Variants in DDX3X observed in about 807,000 individuals in gnomAD.
DDX3X encodes the protein ATP-dependent RNA helicase DDX3X.
DDX3X carries 4 observed loss-of-function variants against 52.7 expected under a neutral mutation model. The observed-to-expected ratio is 0.08, with a 90% CI of 0.04 to 0.17. The LOEUF is 0.17. DDX3X is among the 10% of genes least tolerant of loss of function. The pLI, the probability that DDX3X is intolerant of heterozygous loss-of-function variation, is 1.00. For missense variants in DDX3X, 222 were observed against 548.6 expected (o/e 0.40, Z 5.95); for synonymous variants, 192 against 178.1 (o/e 1.08, Z -0.62).
chrX:41,335,924 C>T (rs1350694073), intron 1 of DDX3X: 1 of 112,160 alleles, frequency 8.9e-6, no homozygotes, highest in Non-Finnish European at 1.9e-5. Flanking sequence ...CAAAATTGTG[C>T]TATAACAAGT....
At chrX:41,345,614 C>CAA in intron 12 of DDX3X, 66 bp downstream of exon 12, 2 of 950,700 alleles carry the variant, frequency 2.1e-6, no homozygotes, top group Non-Finnish European at 2.9e-6. Context: ...GGCTGGAGTG[C>CAA]AGGGGTTATT....
intron 5 of DDX3X, among the ~76,000 whole-genome samples, chrX:41,363,875 C>T (rs1248930106): frequency 1.8e-5 from 2 of 111,675 alleles, no homozygotes; most frequent in Non-Finnish European, 3.8e-5. Flanking sequence ...CCACCCTGAC[C>T]GCTCTTCATT....
At chrX:41,364,171 T>A (rs1234317359) in intron 5 of DDX3X, 2 of 289,653 alleles carry the variant, frequency 6.9e-6, no homozygotes, top group African/African-American at 5.5e-5. Flanking sequence ...AATGTAGTAA[T>A]GGGAGTAGGT....
chrX:41,345,791 C>T (rs756553285), intron 12 of DDX3X: 4 of 324,296 alleles, frequency 1.2e-5, no homozygotes, highest in South Asian at 1.6e-4. Context: ...TAGTACACTA[C>T]AGCCCAGAAC....
At chrX:41,345,077 C>A in intron 10 of DDX3X, 103 bp from the exon 11 acceptor site, 1 of 789,522 alleles carries the variant, frequency 1.3e-6, no homozygotes, top group Non-Finnish European at 1.9e-6. Context: ...ATTGTAATAA[C>A]CTATACAATT....
downstream of DDX3X, among the ~76,000 whole-genome samples, chrX:41,352,379 C>CT (rs1246632567): frequency 1.8e-5 from 2 of 111,827 alleles, no homozygotes; most frequent in Non-Finnish European, 3.8e-5. Context: ...TACCTCCTAT[C>CT]TTTCGCTGGA....
intron 1 of DDX3X, chrX:41,334,568 T>C (rs2063729881): frequency 8.3e-6 from 9 of 1,086,758 alleles, no homozygotes; most frequent in Non-Finnish European, 9.6e-6. Flanking sequence ...GGGGAGGAAG[T>C]GCGCGCGCTC....
Position 41,337,422 on chromosome X carries a change from C to A in DDX3X, c.60C>A (p.Asp20Glu). 1.7e-6 allele frequency: 2 copies of A among 1,209,481 alleles called. No individual in the cohort carries two copies. Among genetic ancestry groups the A allele is most frequent in the Non-Finnish European group, 2.2e-6 (2 of 894,097 alleles). The change falls in exon 2 of 17, where the codon GAC becomes GAA. Residue 20 changes from aspartate (D) to glutamate (E), a missense_variant. Around this residue, in one of 5 missense-constraint regions of DDX3X, gnomAD observed 93 missense variants for 123.7 expected, o/e 0.75. Transcript: ENST00000644876. ...CTCTCTTCTAGTTTGCTGGCCTAGA[C>A]CTGAACTCTTCAGATAATCAGAGTG... is the stretch of plus-strand genomic sequence containing the variant. Reference protein sequence around the residue: ...LGLDQQFAGLDLNSSDNQSGG... With the variant: ...LGLDQQFAGLELNSSDNQSGG...
At chrX:41,343,167 C>G (rs776673110) in intron 6 of DDX3X, 49 bp from the exon 7 acceptor site, 1 of 1,170,335 alleles carries the variant, frequency 8.5e-7, no homozygotes. Flanking sequence ...TAGTATAAAA[C>G]AGAAATAGCT....
chrX:41,341,439 A>G (rs1284287589), intron 3 of DDX3X, 45 bp from the exon 4 acceptor site: 9 of 1,086,971 alleles, frequency 8.3e-6, no homozygotes, highest in African/African-American at 1.9e-5. Context: ...CATGGTTCCT[A>G]TTTCTAATTA....
intron 8 of DDX3X, 63 bp from the exon 9 acceptor site, chrX:41,343,967 T>C (rs1444997161): frequency 5.8e-6 from 6 of 1,030,390 alleles, no homozygotes; most frequent in Non-Finnish European, 8.0e-6. Flanking sequence ...AAGGGAATTA[T>C]GTTGTGATGA....
intron 3 of DDX3X, chrX:41,341,057 C>T (rs2063842998): frequency 5.0e-6 from 1 of 200,885 alleles, no homozygotes; most frequent in Non-Finnish European, 9.1e-6. Context: ...GCAATCTTGG[C>T]TCACTGCAAC....
intron 3 of DDX3X, chrX:41,339,964 A>G (rs1223092480): frequency 1.2e-5 from 1 of 84,999 alleles, no homozygotes; most frequent in Non-Finnish European, 2.1e-5. Flanking sequence ...CGGAGGCTGG[A>G]GTGCAGTAGC....
Position 41,343,363 on chromosome X carries a change from T to G in DDX3X, c.679+12T>G, listed in dbSNP as rs200078632. ...TTGTGCCCAAACAGGTAAGCTCAAC[T>G]CATAAGAGTAAAACATCATATTTCT... On this transcript the variant is annotated intron_variant, in intron 7 of 16. Coordinates refer to ENST00000644876, the MANE Select transcript of DDX3X (RefSeq NM_001356.5). 6.4e-5 allele frequency: 75 copies of G among 1,177,879 alleles called. No homozygotes were observed. The highest frequency in any genetic ancestry group is 8.0e-5 in the Non-Finnish European group (71 of 882,581).
At chrX:41,352,375 C>T (rs73466543), downstream of DDX3X, among the ~76,000 whole-genome samples, 48 of 111,809 alleles carry the variant, frequency 4.3e-4, no homozygotes, top group African/African-American at 1.5e-3. Context: ...GAAGTACCTC[C>T]TATCTTTCGC....
At chrX:41,357,806 T>G (rs2064014921) in intron 5 of DDX3X, 1 of 296,171 alleles carries the variant, frequency 3.4e-6, no homozygotes, top group Non-Finnish European at 5.9e-6. Context: ...CTTCCTAACA[T>G]GGGATTCTCC....
chrX:41,334,023 C>G (rs972297163), upstream of DDX3X: 1 of 420,677 alleles, frequency 2.4e-6, no homozygotes, highest in Non-Finnish European at 4.2e-6. Flanking sequence ...TGAGCTTAGA[C>G]CTGAGGGAGC....
chrX:41,358,913 C>G (rs1249796454), intron 5 of DDX3X, among the ~76,000 whole-genome samples: 1 of 111,390 alleles, frequency 9.0e-6, no homozygotes, highest in African/African-American at 3.3e-5. Context: ...TGCCCACCAC[C>G]ACTCCTGGCT....
At chrX:41,359,540 T>C (rs1314333760) in intron 5 of DDX3X, among the ~76,000 whole-genome samples, 1 of 96,129 alleles carries the variant, frequency 1.0e-5, no homozygotes, top group Non-Finnish European at 2.0e-5. Context: ...GAGGTTGCAG[T>C]GAGCCAAGAT....
Sources: allele counts gnomAD v4.1 joint callset (sites outside exome capture counted in the v4.1 genomes callset), GRCh38; gene constraint gnomAD v4.1.1; regional missense constraint gnomAD v4.1.1; transcripts MANE v1.5; gene names NCBI Gene and HGNC (gene_info 2026-07-23, HGNC 2026-07-21).